Variants in FAM13A observed in about 807,000 individuals in gnomAD.
FAM13A encodes family with sequence similarity 13 member A.
A neutral mutation model predicts 129.6 loss-of-function variants in FAM13A; 76 were observed. The observed-to-expected ratio is 0.59, with a 90% confidence interval of 0.49 to 0.71. FAM13A has a LOEUF of 0.71. Among genes scored for constraint, FAM13A ranks in the 30% least tolerant of loss-of-function variants. The probability of loss-of-function intolerance (pLI) is 0.00; values close to 1 mark genes in which losing one functional copy is unlikely to be tolerated. For synonymous variants in FAM13A, 443 were observed against 449.9 expected, an observed-to-expected ratio of 0.98 and a Z score of 0.20; for missense variants, 1,108 against 1,249.3, an observed-to-expected ratio of 0.89 and a Z score of 1.70.
At chr4:88,811,790 TA>T (rs1202066803) in intron 7 of FAM13A, among the ~76,000 whole-genome samples, 2 of 152,212 alleles carry the variant, frequency 1.3e-5, no homozygotes, top group Non-Finnish European at 2.9e-5. Flanking sequence ...ACATTGTGTT[TA>T]TAAGCCAACT....
chr4:88,980,820 G>C (rs1255402985), intron 4 of FAM13A, among the ~76,000 whole-genome samples: 16 of 152,094 alleles, frequency 1.1e-4, no homozygotes, highest in Non-Finnish European at 1.5e-5. Context: ...ATAATATCTG[G>C]TTATACATCA....
intron 1 of FAM13A, among the ~76,000 whole-genome samples, chr4:89,040,480 AT>A (rs1405277762): frequency 6.6e-6 from 1 of 152,214 alleles, no homozygotes; most frequent in Non-Finnish European, 1.5e-5. Flanking sequence ...CCAAATTGCA[AT>A]TTAAAAATTA....
chr4:88,882,813 T>C (rs183927937), intron 6 of FAM13A, among the ~76,000 whole-genome samples: 3 of 151,960 alleles, frequency 2.0e-5, no homozygotes, highest in East Asian at 3.9e-4. Context: ...ATGTAAAGGG[T>C]TGGAAAAAGA....
chr4:88,747,369 G>C (rs896593395), intron 18 of FAM13A, among the ~76,000 whole-genome samples: 1 of 152,206 alleles, frequency 6.6e-6, no homozygotes, highest in African/African-American at 2.4e-5. Flanking sequence ...TTCTACCTCA[G>C]AGTCACAAAA....
intron 11 of FAM13A, 135 bp from the exon 12 acceptor site, chr4:88,768,194 G>T: frequency 1.8e-6 from 1 of 556,150 alleles, no homozygotes; most frequent in Non-Finnish European, 3.2e-6. Context: ...TTTTATCTTT[G>T]TTTAAACTAG....
chr4:88,751,203 C>A (rs1040528988), intron 14 of FAM13A, among the ~76,000 whole-genome samples: 8 of 152,136 alleles, frequency 5.3e-5, no homozygotes, highest in Admixed American at 4.6e-4. Flanking sequence ...GATTGCGCCA[C>A]TGCACTCCAG....
At chr4:88,794,156 T>C (rs1445465643) in intron 8 of FAM13A, among the ~76,000 whole-genome samples, 1 of 151,944 alleles carries the variant, frequency 6.6e-6, no homozygotes, top group South Asian at 2.1e-4. Flanking sequence ...TTATAAACAG[T>C]TGGATATGGA....
intron 8 of FAM13A, among the ~76,000 whole-genome samples, chr4:88,797,033 T>C (rs1183561369): frequency 6.6e-6 from 1 of 152,108 alleles, no homozygotes; most frequent in East Asian, 1.9e-4. Flanking sequence ...CTGCTTCTAT[T>C]TTCCTGTTTA....
chr4:88,764,638 A>G (rs1467716317), intron 13 of FAM13A, among the ~76,000 whole-genome samples: 1 of 152,178 alleles, frequency 6.6e-6, no homozygotes, highest in Non-Finnish European at 1.5e-5. Flanking sequence ...AAGAGTTAAT[A>G]ATACACAGAA....
chr4:88,732,109 C>G lies in FAM13A; in HGVS notation c.2736G>C (p.Leu912=). Residue 912 remains leucine (L), a synonymous_variant, in exon 22 of 24, where the codon CTG becomes CTC. Transcript: ENST00000264344. Reference sequence around the variant, plus strand: ...CATCAGCGTCATCTTCGAATTGGTCCAGAAAGCATCGTGCACTGAAATCGG... The same window carrying G: ...CATCAGCGTCATCTTCGAATTGGTCGAGAAAGCATCGTGCACTGAAATCGG... ...LKTDFSARCF[L]DQFEDDADGF... is the part of the protein sequence containing the mutation. 6.2e-7 allele frequency: 1 copy of G among 1,613,968 alleles called. No individual in the cohort carries two copies.
chr4:88,851,310 A>G lies in FAM13A; in HGVS notation c.844-127T>C, dbSNP rs1020990965. Reference sequence around the variant, plus strand: ...ATCCAATTTATAACACCCCAGAAAAATATCAAGCTAAAAATTAAATTTAAA... The same window carrying G: ...ATCCAATTTATAACACCCCAGAAAAGTATCAAGCTAAAAATTAAATTTAAA... On this transcript the variant is annotated intron_variant, in intron 6 of 23. Coordinates refer to ENST00000264344, the MANE Select transcript of FAM13A (RefSeq NM_014883.4). 28 of 738,264 alleles carry G rather than the reference A, an allele frequency of 3.8e-5. No individual in the cohort carries two copies. The African/African-American group carries it at 5.0e-4, about 13-fold the overall frequency. The allele number at this position is 738,264 out of a possible 1,614,324, so 45.7% of individuals were successfully genotyped here.
At chr4:88,870,480 T>C (rs988609638) in intron 6 of FAM13A, among the ~76,000 whole-genome samples, 2 of 152,212 alleles carry the variant, frequency 1.3e-5, no homozygotes. Context: ...CAGGAGATTA[T>C]ACCCCGCGCC....
chr4:89,021,389 T>C (rs1254512853), intron 2 of FAM13A, among the ~76,000 whole-genome samples: 3 of 152,194 alleles, frequency 2.0e-5, no homozygotes, highest in Non-Finnish European at 4.4e-5. Context: ...CCTGTATTCT[T>C]AGTATCATAT....
chr4:88,873,214 A>G (rs1741739172), intron 6 of FAM13A, among the ~76,000 whole-genome samples: 1 of 152,220 alleles, frequency 6.6e-6, no homozygotes, highest in Non-Finnish European at 1.5e-5. Context: ...ACACCCTAAC[A>G]TCACAATTAA....
At chr4:88,957,741 G>A (rs754770164) in intron 4 of FAM13A, among the ~76,000 whole-genome samples, 2 of 152,182 alleles carry the variant, frequency 1.3e-5, no homozygotes, top group East Asian at 1.9e-4. Flanking sequence ...AAATATGGAC[G>A]TTGAAGGTCA....
chr4:88,810,360 T>C (rs974247597), intron 7 of FAM13A, among the ~76,000 whole-genome samples: 3 of 152,164 alleles, frequency 2.0e-5, no homozygotes, highest in African/African-American at 7.2e-5. Flanking sequence ...AGTTATCTTA[T>C]TTAGAAACAG....
intron 7 of FAM13A, among the ~76,000 whole-genome samples, chr4:88,836,675 T>C (rs1224457311): frequency 6.6e-6 from 1 of 152,210 alleles, no homozygotes; most frequent in Non-Finnish European, 1.5e-5. Context: ...ATTTAATAAA[T>C]GGTCCAGGTG....
chr4:88,767,481 T>G, intron 13 of FAM13A, 72 bp downstream of exon 13: 2 of 1,096,088 alleles, frequency 1.8e-6, no homozygotes, highest in Non-Finnish European at 2.6e-6. Context: ...GGCAGACTAA[T>G]ATTTCAGAAG....
chr4:88,797,387 T>C (rs2149704728), intron 8 of FAM13A, among the ~76,000 whole-genome samples: 1 of 152,006 alleles, frequency 6.6e-6, no homozygotes, highest in Admixed American at 6.6e-5. Context: ...ATCCTCTTGC[T>C]TCGGCCTCAC....
Sources: gnomAD v4.1 joint callset for allele counts (sites outside exome capture counted in the v4.1 genomes callset) on GRCh38, gnomAD v4.1.1 for gene constraint, MANE v1.5 for transcripts, NCBI Gene and HGNC (gene_info 2026-07-23, HGNC 2026-07-21) for gene names.